Variants in C6orf58 observed in about 807,000 individuals in gnomAD.
C6orf58 encodes protein LEG1 homolog.
Under a neutral mutation model 37.0 loss-of-function variants are expected in C6orf58, and 30 were observed. The observed-to-expected ratio is 0.81, with a 90% CI of 0.61 to 1.10. The LOEUF is 1.10. C6orf58 is among the 50% of genes least tolerant of loss of function. C6orf58 has a pLI of 0.00. For missense variants in C6orf58, 368 were observed against 387.5 expected, an observed-to-expected ratio of 0.95 and a Z score of 0.42; for synonymous variants, 143 against 134.1, an observed-to-expected ratio of 1.07 and a Z score of -0.46.
chr6:127,580,068 A>C (rs375494176), intron 2 of C6orf58, among the ~76,000 whole-genome samples, 197 bp from the exon 3 acceptor site: 3 of 152,100 alleles, frequency 2.0e-5, no homozygotes, highest in South Asian at 2.1e-4. Context: ...TATGACTATA[A>C]GGTTATTAAC....
intron 4 of C6orf58, among the ~76,000 whole-genome samples, chr6:127,585,546 C>T (rs1004716848): frequency 3.3e-5 from 5 of 152,112 alleles, no homozygotes; most frequent in African/African-American, 1.2e-4. Context: ...ACATGAAGCA[C>T]AGGAAATTAT....
At chr6:127,590,968 T>C (rs983383896) in intron 5 of C6orf58, among the ~76,000 whole-genome samples, 1 of 152,054 alleles carries the variant, frequency 6.6e-6, no homozygotes, top group Admixed American at 6.6e-5. Flanking sequence ...AAGATAAAAA[T>C]GGAGTAAATT....
Position 127,591,553 on chromosome 6 carries a change from T to A in C6orf58, c.924T>A (p.Cys308Ter). 6.6e-7 allele frequency: 1 copy of A among 1,521,958 alleles called. No homozygotes were observed. Among genetic ancestry groups the A allele is most frequent in the African/African-American group, 1.4e-5 (1 of 69,572 alleles). 94.3% of individuals were successfully genotyped at this position (1,521,958 alleles called of 1,614,324 possible). ...DNVDKSIGYL[C>*]TEKSNVYRDH... ...TTGTATCTTTTACAGGTTATCTTTG[T>A]ACAGAAAAATCTAATGTATATAGAG... Residue 308 changes from cysteine to a stop codon, truncating the protein, a stop_gained, in exon 6 of 6, where the codon TGT (cysteine) becomes TGA (stop). Coordinates refer to ENST00000329722, the MANE Select transcript of C6orf58 (RefSeq NM_001010905.3). LOFTEE classifies it low-confidence loss of function (END_TRUNC).
intron 4 of C6orf58, among the ~76,000 whole-genome samples, chr6:127,589,629 A>G (rs1439936436): frequency 1.3e-5 from 2 of 152,108 alleles, no homozygotes; most frequent in Admixed American, 6.5e-5. Context: ...AATTATTTAC[A>G]ATTTAGATCT....
At chr6:127,589,965 T>C (rs1040825117) in intron 4 of C6orf58, 122 bp from the exon 5 acceptor site, 71 of 681,516 alleles carry the variant, frequency 1.0e-4, no homozygotes, top group Non-Finnish European at 1.6e-4. Flanking sequence ...ATCAAGCCTA[T>C]TTTCTAAATT....
chr6:127,577,546 GA>G (rs895887463), intron 1 of C6orf58, 60 bp downstream of exon 1: 5 of 1,455,178 alleles, frequency 3.4e-6, no homozygotes, highest in Non-Finnish European at 4.8e-6. Flanking sequence ...AAGTATTTGG[GA>G]AATTGGACTC....
rs773858356 is a variant in C6orf58, at chr6:127,578,694, G to A, written c.310G>A (p.Ala104Thr). 2 of 1,612,012 alleles carry A rather than the reference G, an allele frequency of 1.2e-6. No individual in the cohort carries two copies. The highest frequency in any genetic ancestry group is 1.1e-5 in the South Asian group (1 of 90,978). The part of the protein sequence containing the change: ...YGWQYRTGRL[A>T]DPTRRTNCGY... ...CATCCTCTCTCCTCCAGGCAGATTA[G>A]CTGATCCAACCCGAAGGACAAACTG... Residue 104 changes from alanine (A) to threonine (T), a missense_variant, in exon 2 of 6, where the codon GCT (alanine) becomes ACT (threonine). Physicochemically the swap from Ala to Thr is moderately conservative, Grantham distance 58. Coordinates refer to ENST00000329722, the MANE Select transcript of C6orf58 (RefSeq NM_001010905.3).
At chr6:127,589,069 A>G (rs1482583184) in intron 4 of C6orf58, among the ~76,000 whole-genome samples, 2 of 152,248 alleles carry the variant, frequency 1.3e-5, no homozygotes, top group Non-Finnish European at 2.9e-5. Context: ...AGCATAATGC[A>G]AGTACCTTCT....
At chr6:127,585,103 A>G (rs922805437) in intron 4 of C6orf58, among the ~76,000 whole-genome samples, 1 of 152,228 alleles carries the variant, frequency 6.6e-6, no homozygotes, top group Non-Finnish European at 1.5e-5. Context: ...TTTCTGGAAC[A>G]TATATTAATA....
chr6:127,584,581 C>G (rs1775087630), intron 4 of C6orf58, among the ~76,000 whole-genome samples: 1 of 152,238 alleles, frequency 6.6e-6, no homozygotes, highest in South Asian at 2.1e-4. Context: ...TCAAGACCAG[C>G]CTGGCCAATA....
At chr6:127,585,899 G>A (rs907152402) in intron 4 of C6orf58, among the ~76,000 whole-genome samples, 6 of 151,826 alleles carry the variant, frequency 4.0e-5, no homozygotes, top group East Asian at 1.9e-4. Context: ...TTCCATACCC[G>A]GATAAAATTT....
chr6:127,577,246 G>A lies in C6orf58; in HGVS notation c.61G>A (p.Gly21Arg), dbSNP rs201520968. Residue 21 changes from glycine to arginine, a missense_variant, in exon 1 of 6, where the codon GGG becomes AGG. By Grantham distance (125) the Gly-to-Arg change is moderately radical. Transcript: ENST00000329722. ...TGGTTCCTTTTCTGCTTCCTTAGCA[G>A]GGACTTCCAATCTCTCAGAGACAGA... ...LVGSFSASLA[G>R]TSNLSETEPP... 2.8e-5 allele frequency: 45 copies of A among 1,613,550 alleles called. No individual in the cohort carries two copies. The East Asian group carries it at 9.1e-4, about 33-fold the overall frequency.
intron 4 of C6orf58, among the ~76,000 whole-genome samples, chr6:127,586,581 G>A (rs1375772565): frequency 1.3e-5 from 2 of 150,014 alleles, no homozygotes; most frequent in Admixed American, 6.6e-5. Context: ...AAGGTTGGAG[G>A]ATCTCTGGGG....
rs193005656 is a variant in C6orf58 at position 127,586,311 on chromosome 6, A to G, written c.675-3776A>G. Among the ~76,000 whole-genome samples, 3 of 152,306 alleles carry G rather than the reference A, an allele frequency of 2.0e-5. No homozygotes were observed. In the East Asian group the frequency reaches 5.8e-4, roughly 29 times the overall value. Reference sequence around the variant, plus strand: ...ACAGACGCTTCGAAGGGTGAGGGGAATGGAATTTATGGGGCAAAAAGGAAA... The same window carrying G: ...ACAGACGCTTCGAAGGGTGAGGGGAGTGGAATTTATGGGGCAAAAAGGAAA... On this transcript the variant is annotated intron_variant, in intron 4 of 5. Transcript: ENST00000329722.
At chr6:127,579,253 A>T (rs1381074500) in intron 2 of C6orf58, among the ~76,000 whole-genome samples, 5 of 152,182 alleles carry the variant, frequency 3.3e-5, no homozygotes, top group Non-Finnish European at 1.5e-5. Flanking sequence ...CTTAATGCTA[A>T]AATAACCAGA....
chr6:127,580,086 C>A (rs1248250267), intron 2 of C6orf58, among the ~76,000 whole-genome samples, 179 bp from the exon 3 acceptor site: 1 of 152,024 alleles, frequency 6.6e-6, no homozygotes, highest in Non-Finnish European at 1.5e-5. Context: ...AACAGAAATG[C>A]AATCAAAGTT....
intron 4 of C6orf58, among the ~76,000 whole-genome samples, chr6:127,587,814 A>G (rs904301406): frequency 6.6e-5 from 10 of 152,260 alleles, no homozygotes; most frequent in Non-Finnish European, 1.2e-4. Context: ...TGCTTAACGT[A>G]CTGCTGGCAT....
chr6:127,589,034 T>G (rs1170982985), intron 4 of C6orf58, among the ~76,000 whole-genome samples: 1 of 152,210 alleles, frequency 6.6e-6, no homozygotes, highest in Non-Finnish European at 1.5e-5. Flanking sequence ...ATCTGGGTTA[T>G]GTTATAGTTT....
chr6:127,577,650 T>G (rs143394388), intron 1 of C6orf58, among the ~76,000 whole-genome samples, 164 bp downstream of exon 1: 76 of 152,292 alleles, frequency 5.0e-4, no homozygotes, highest in African/African-American at 1.7e-3. Flanking sequence ...CTTCTCCTTA[T>G]CCACAAATCC....
Sources: allele counts gnomAD v4.1 joint callset (sites outside exome capture counted in the v4.1 genomes callset), GRCh38; gene constraint gnomAD v4.1.1; transcripts MANE v1.5; gene names NCBI Gene and HGNC (gene_info 2026-07-23, HGNC 2026-07-21).